Variants in MBP observed in about 807,000 individuals in gnomAD.
The protein encoded by MBP is myelin basic protein.
In MBP, 16 loss-of-function variants were observed where a neutral mutation model predicts 35.8. That is an observed-to-expected ratio of 0.45 (90% CI 0.30 to 0.68). The LOEUF is 0.68. Ranked by LOEUF, MBP falls within the 30% of genes least tolerant of loss-of-function variation. MBP has a pLI of 0.08. For synonymous variants in MBP, 143 were observed against 159.6 expected (o/e 0.90, Z 0.78); for missense variants, 380 against 404.7 (o/e 0.94, Z 0.52).
chr18:77,001,959 A>C (rs950059397), intron 4 of MBP, among the ~76,000 whole-genome samples: 1 of 152,224 alleles, frequency 6.6e-6, no homozygotes. Flanking sequence ...TCTTCTAACT[A>C]TCATTAGAGA....
Position 76,989,801 on chromosome 18 carries a change from T to A in MBP, c.681+155A>T, listed in dbSNP as rs1438660215. 1.6e-6 allele frequency: 1 copy of A among 637,222 alleles called. No individual in the cohort carries two copies. The highest frequency in any genetic ancestry group is 2.8e-6 in the Non-Finnish European group (1 of 354,668). The allele number at this position is 637,222 out of a possible 1,614,324, so 39.5% of individuals were successfully genotyped here. A position where few individuals can be genotyped will look rare whatever the true frequency, so the allele number is the denominator to read the frequency against. On this transcript the variant is annotated intron_variant, in intron 5 of 8. Transcript: ENST00000355994. The surrounding 1 kb of genome is among the most constrained non-coding windows in gnomAD (Gnocchi z 4.0). ...GGAAGCGCTTGCCTGGAACTCGCGA[T>A]CAGGTGCGAGGGGGGAGTTCCCCGG... is the stretch of plus-strand genomic sequence containing the variant.
intron 8 of MBP, chr18:76,984,176 G>T (rs1291248082): frequency 6.5e-6 from 1 of 153,164 alleles, no homozygotes; most frequent in African/African-American, 2.4e-5. Flanking sequence ...CCTGCCAGCC[G>T]CGTTTTGTGT....
At chr18:77,105,810 A>T (rs2145138471) in intron 1 of MBP, among the ~76,000 whole-genome samples, 2 of 152,394 alleles carry the variant, frequency 1.3e-5, no homozygotes, top group South Asian at 4.1e-4. Flanking sequence ...CTTAACAGAC[A>T]AGTGTCCAAA....
chr18:77,067,170 C>T (rs912653818), intron 2 of MBP, among the ~76,000 whole-genome samples: 1 of 152,240 alleles, frequency 6.6e-6, no homozygotes, highest in African/African-American at 2.4e-5. Flanking sequence ...AGAAAGTGCA[C>T]AGTGGCTGCG....
At chr18:76,996,850 G>T (rs753770421) in intron 4 of MBP, among the ~76,000 whole-genome samples, 2 of 152,146 alleles carry the variant, frequency 1.3e-5, no homozygotes, top group African/African-American at 2.4e-5. Context: ...AGCCCATTTT[G>T]TTCATTATTT....
At chr18:76,982,917 A>G (rs1384709336) in intron 8 of MBP, 1 of 152,204 alleles carries the variant, frequency 6.6e-6, no homozygotes, top group African/African-American at 2.4e-5. Context: ...AATTTTTAAA[A>G]GCTTCTTACA....
chr18:77,015,860 T>TA (rs1971593974), intron 4 of MBP: 3 of 985,354 alleles, frequency 3.0e-6, no homozygotes, highest in Non-Finnish European at 3.6e-6. Context: ...AAAAGCCTTT[T>TA]ACGCTCCCAC....
At chr18:77,019,946 G>A (rs1464302178) in intron 3 of MBP, among the ~76,000 whole-genome samples, 1 of 152,302 alleles carries the variant, frequency 6.6e-6, no homozygotes, top group East Asian at 1.9e-4. Flanking sequence ...GGAGGCAGGA[G>A]GGCCTGTGCA....
intron 3 of MBP, chr18:77,017,765 G>A (rs749986038): frequency 2.0e-5 from 3 of 152,482 alleles, no homozygotes; most frequent in Non-Finnish European, 4.4e-5. Context: ...AAAGAAGTGG[G>A]GCATTTAGAA....
At position 77,131,067 on chromosome 18, in the gene MBP, ACACG is replaced by A. The variant is rs1568354760; in HGVS notation, c.-26+1509_-26+1512del. Among the ~76,000 whole-genome samples the A allele has an allele frequency of 2.1e-4, 11 of 53,260 alleles. No individual in the cohort carries two copies. Among genetic ancestry groups the A allele is most frequent in the Middle Eastern group, 0.011 (1 of 94 alleles). 34.9% of individuals were successfully genotyped at this position (53,260 alleles called of 152,430 possible). ...CAAAACCTCAAAAAACAAAACACAC[ACACG>A]CGCGCACGCACGCGCACACACACAC... On this transcript the variant is annotated intron_variant, in intron 1 of 8. Transcript: ENST00000355994. The surrounding 1 kb of genome is among the most constrained non-coding windows in gnomAD (Gnocchi z 5.5).
chr18:77,000,334 A>G (rs114460226), intron 4 of MBP, among the ~76,000 whole-genome samples: 2,130 of 152,324 alleles, frequency 0.014, 50 homozygotes, highest in African/African-American at 0.049. Context: ...AAAAGTGATC[A>G]TACTAGACAC....
At chr18:77,068,955 C>A (rs529840854) in intron 2 of MBP, 54 of 465,222 alleles carry the variant, frequency 1.2e-4, no homozygotes, top group Non-Finnish European at 2.0e-4. Flanking sequence ...GGGGGCCTCA[C>A]CTCGGGGACT....
chr18:77,015,199 C>T, intron 4 of MBP: 1 of 985,360 alleles, frequency 1.0e-6, no homozygotes, highest in Non-Finnish European at 1.2e-6. Context: ...CAGTGTCACT[C>T]ACATGAAGCT....
chr18:77,084,183 C>A (rs1011325484), intron 2 of MBP, among the ~76,000 whole-genome samples: 1 of 152,008 alleles, frequency 6.6e-6, no homozygotes. Flanking sequence ...TAAAGCCACA[C>A]TCTTTGTGAG....
intron 2 of MBP, among the ~76,000 whole-genome samples, chr18:77,086,356 C>G (rs1327624678): frequency 4.6e-5 from 7 of 152,216 alleles, no homozygotes; most frequent in East Asian, 1.9e-4. Flanking sequence ...CCATCACGAT[C>G]AATTAGGGAC....
chr18:77,100,030 A>T (rs1035488620), intron 2 of MBP, among the ~76,000 whole-genome samples: 1 of 152,146 alleles, frequency 6.6e-6, no homozygotes, highest in Admixed American at 6.5e-5. Flanking sequence ...GGGTTTATCA[A>T]GTAACACATG....
chr18:77,096,032 A>C (rs1975745125), intron 2 of MBP, among the ~76,000 whole-genome samples: 1 of 152,242 alleles, frequency 6.6e-6, no homozygotes, highest in Admixed American at 6.5e-5. Flanking sequence ...ACAAGAACAG[A>C]ACTCACTAAA....
intron 2 of MBP, among the ~76,000 whole-genome samples, chr18:77,088,796 A>T (rs1221468052): frequency 2.0e-5 from 3 of 152,186 alleles, no homozygotes; most frequent in Non-Finnish European, 2.9e-5. Context: ...TTCCCCCAAA[A>T]ATAATATGCC....
In MBP at chr18:76,992,806, C is replaced by T. The variant is rs80166090; in HGVS notation, c.577-2746G>A. On this transcript the variant is annotated intron_variant, in intron 4 of 8. Transcript: ENST00000355994. Reference sequence around the variant, plus strand: ...CTGCCAGGAGCCAGAGCCCCAGCCCCAGCTCTCCTCCCACTTGCCCTGGCT... The same window carrying T: ...CTGCCAGGAGCCAGAGCCCCAGCCCTAGCTCTCCTCCCACTTGCCCTGGCT... 5.1e-3 allele frequency among the ~76,000 whole-genome samples: 784 copies of T among 152,330 alleles called. 3 individuals are homozygous for T. The highest frequency in any genetic ancestry group is 0.018 in the African/African-American group (746 of 41,578).
Sources: gnomAD v4.1 joint callset for allele counts (sites outside exome capture counted in the v4.1 genomes callset) on GRCh38, gnomAD v4.1.1 for gene constraint, Gnocchi (gnomAD v3.1) non-coding constraint, MANE v1.5 for transcripts, NCBI Gene and HGNC (gene_info 2026-07-23, HGNC 2026-07-21) for gene names.